The following PAPPA2 variants were observed in gnomAD, a reference collection of about 807,000 sequenced individuals.
PAPPA2 encodes pappalysin-2.
PAPPA2 carries 86 observed loss-of-function variants against 176.4 expected under a neutral mutation model. The observed-to-expected ratio is 0.49, with a 90% confidence interval of 0.41 to 0.58. The LOEUF (loss-of-function observed/expected upper bound fraction) is 0.58, where lower values mean the gene tolerates loss of function less well. Among genes scored for constraint, PAPPA2 ranks in the 20% least tolerant of loss-of-function variants. The pLI, the probability that PAPPA2 is intolerant of heterozygous loss-of-function variation, is 0.00. For missense variants in PAPPA2, 2,073 were observed against 2,256.9 expected (o/e 0.92, Z 1.65); for synonymous variants, 809 against 852.2 (o/e 0.95, Z 0.88).
At chr1:176,510,954 A>G (rs1057101979) in intron 1 of PAPPA2, among the ~76,000 whole-genome samples, 11 of 152,066 alleles carry the variant, frequency 7.2e-5, no homozygotes, top group African/African-American at 2.4e-4. Flanking sequence ...AAGGAACAAA[A>G]AAAGAATTAA....
chr1:176,479,271 A>G (rs751678101), intron 1 of PAPPA2, among the ~76,000 whole-genome samples: 2 of 152,166 alleles, frequency 1.3e-5, no homozygotes, highest in African/African-American at 2.4e-5. Flanking sequence ...CGTTAGAACC[A>G]TCTCTTTTGG....
chr1:176,626,889 CTTTTTTTT>C (rs547179481), intron 3 of PAPPA2, among the ~76,000 whole-genome samples: 1 of 127,778 alleles, frequency 7.8e-6, no homozygotes, highest in Non-Finnish European at 1.7e-5. Context: ...CCTGTTTTTC[CTTTTTTTT>C]TTTTTTTTTT....
At chr1:176,644,907 A>G (rs1657310463) in intron 3 of PAPPA2, among the ~76,000 whole-genome samples, 1 of 151,850 alleles carries the variant, frequency 6.6e-6, no homozygotes, top group African/African-American at 2.4e-5. Flanking sequence ...AGGAAAGAGC[A>G]CAACACAGGT....
At chr1:176,660,650 C>T (rs947126636) in intron 3 of PAPPA2, among the ~76,000 whole-genome samples, 1 of 152,020 alleles carries the variant, frequency 6.6e-6, no homozygotes, top group Non-Finnish European at 1.5e-5. Context: ...ATAAAGATCT[C>T]ATGAGAGATC....
intron 6 of PAPPA2, among the ~76,000 whole-genome samples, chr1:176,694,474 G>A (rs1246280181): frequency 2.0e-5 from 3 of 152,252 alleles, no homozygotes; most frequent in African/African-American, 7.2e-5. Flanking sequence ...CACAATGCCA[G>A]TTATGTGAGG....
At chr1:176,778,940 T>G (rs745523797) in intron 17 of PAPPA2, among the ~76,000 whole-genome samples, 4 of 152,132 alleles carry the variant, frequency 2.6e-5, no homozygotes, top group Non-Finnish European at 4.4e-5. Flanking sequence ...AGTGATTGAA[T>G]CTCTGCCCCA....
intron 1 of PAPPA2, among the ~76,000 whole-genome samples, chr1:176,552,293 C>A (rs1239167551): frequency 6.6e-6 from 1 of 151,414 alleles, no homozygotes; most frequent in Non-Finnish European, 1.5e-5. Context: ...CTCCTACCCT[C>A]CCCCTTCCAT....
At chr1:176,514,022 T>C (rs1436905577) in intron 1 of PAPPA2, among the ~76,000 whole-genome samples, 2 of 152,190 alleles carry the variant, frequency 1.3e-5, no homozygotes, top group East Asian at 3.8e-4. Context: ...ATTTTATGGA[T>C]GACTATTTCA....
chr1:176,756,688 G>A (rs1459952438), intron 14 of PAPPA2, among the ~76,000 whole-genome samples: 1 of 151,986 alleles, frequency 6.6e-6, no homozygotes, highest in Non-Finnish European at 1.5e-5. Flanking sequence ...GAAAGACAGG[G>A]GCCCTGTAGA....
At chr1:176,503,638 T>C (rs888996223) in intron 1 of PAPPA2, among the ~76,000 whole-genome samples, 1 of 152,194 alleles carries the variant, frequency 6.6e-6, no homozygotes, top group Non-Finnish European at 1.5e-5. Context: ...GTTAATATGT[T>C]CATTATTCCA....
At chr1:176,568,610 A>G (rs1377224456) in intron 2 of PAPPA2, among the ~76,000 whole-genome samples, 3 of 152,152 alleles carry the variant, frequency 2.0e-5, no homozygotes, top group Non-Finnish European at 2.9e-5. Context: ...TCCATCTCAC[A>G]TCCATTGCTT....
chr1:176,558,497 C>T (rs1000757110), intron 2 of PAPPA2, among the ~76,000 whole-genome samples: 8 of 152,180 alleles, frequency 5.3e-5, no homozygotes, highest in Non-Finnish European at 7.3e-5. Context: ...GTGATTTCTC[C>T]TTCGGAAGCT....
intron 3 of PAPPA2, among the ~76,000 whole-genome samples, chr1:176,623,519 C>T (rs1028757290): frequency 2.0e-5 from 3 of 151,896 alleles, no homozygotes; most frequent in Non-Finnish European, 4.4e-5. Context: ...TGGGACTGTC[C>T]CTAGTGAAGA....
intron 20 of PAPPA2, among the ~76,000 whole-genome samples, chr1:176,796,978 G>C (rs960486996): frequency 6.6e-6 from 1 of 151,760 alleles, no homozygotes; most frequent in African/African-American, 2.4e-5. Context: ...GTCCAATCAG[G>C]AGGAAATTTT....
In PAPPA2 at chr1:176,734,550, C is replaced by T. The variant is rs140751003; in HGVS notation, c.3799-5076C>T. ...AGAAGAAAGTAAAAACAGGCTCCAA[C>T]CACACCTACCCATTTTGACCCACAT... On this transcript the variant is annotated intron_variant, in intron 12 of 22. Transcript: ENST00000367662. Among the ~76,000 whole-genome samples the T allele has an allele frequency of 4.4e-3, 670 of 152,148 alleles. 11 individuals carry two copies. Among genetic ancestry groups the T allele is most frequent in the African/African-American group, 0.015 (606 of 41,532 alleles).
chr1:176,833,630 G>C (rs1014719), intron 21 of PAPPA2, among the ~76,000 whole-genome samples: 1 of 151,866 alleles, frequency 6.6e-6, no homozygotes, highest in Non-Finnish European at 1.5e-5. Flanking sequence ...AATATTGTTA[G>C]GTTTTATCTA....
intron 21 of PAPPA2, among the ~76,000 whole-genome samples, chr1:176,807,891 G>A (rs1051451955): frequency 2.6e-5 from 4 of 152,158 alleles, no homozygotes; most frequent in South Asian, 2.1e-4. Context: ...TACTGATGCC[G>A]TGTTCTGTGA....
At chr1:176,811,457 G>GT (rs1666144993) in intron 21 of PAPPA2, among the ~76,000 whole-genome samples, 1 of 152,148 alleles carries the variant, frequency 6.6e-6, no homozygotes, top group African/African-American at 2.4e-5. Flanking sequence ...TTCTTGCCAA[G>GT]TTTTTTAGGA....
intron 4 of PAPPA2, among the ~76,000 whole-genome samples, chr1:176,685,052 G>T (rs964956874): frequency 2.6e-4 from 39 of 151,652 alleles, no homozygotes; most frequent in Middle Eastern, 3.5e-3. Flanking sequence ...ACTCTGGGAG[G>T]TCTGTCCAAT....
Sources: allele counts gnomAD v4.1 joint callset (sites outside exome capture counted in the v4.1 genomes callset), GRCh38; gene constraint gnomAD v4.1.1; transcripts MANE v1.5; gene names NCBI Gene and HGNC (gene_info 2026-07-23, HGNC 2026-07-21).